CRTC1: variants seen among roughly 807,000 people sequenced by gnomAD.
The protein encoded by CRTC1 is CREB regulated transcription coactivator 1, also known as CREB-regulated transcription coactivator 1.
In CRTC1, 18 loss-of-function variants were observed where a neutral mutation model predicts 66.1. That is an observed-to-expected ratio of 0.27 (90% confidence interval 0.19 to 0.40). The LOEUF (loss-of-function observed/expected upper bound fraction) is 0.40. CRTC1 is among the 10% of genes least tolerant of loss of function. The pLI is 1.00. For synonymous variants in CRTC1, 416 were observed against 398.8 expected (o/e 1.04, Z -0.51); for missense variants, 669 against 887.9 (o/e 0.75, Z 3.13).
At chr19:18,745,693 G>C (rs555149188) in intron 2 of CRTC1, 130 bp from the exon 3 acceptor site, 715 of 1,176,184 alleles carry the variant, frequency 6.1e-4, no homozygotes, top group Non-Finnish European at 8.6e-4. Context: ...ATCCCAGGCT[G>C]TGGAGCGATG....
In CRTC1 at chr19:18,707,810, C is replaced by T. The variant is rs541720528; in HGVS notation, c.126+23982C>T. On this transcript the variant is annotated intron_variant, in intron 1 of 13. Coordinates refer to ENST00000321949, the MANE Select transcript of CRTC1 (RefSeq NM_015321.3). ...AGGAGTTCAAGACCAGGCAGAGCAA[C>T]GTAGTCAGATCCTGTCTCTATTTAA... 9.7e-4 allele frequency among the ~76,000 whole-genome samples: 148 copies of T among 152,310 alleles called. 1 individual carries two copies. The highest frequency in any genetic ancestry group is 1.7e-3 in the Non-Finnish European group (114 of 68,028).
intron 1 of CRTC1, among the ~76,000 whole-genome samples, chr19:18,695,432 T>G (rs1160128964): frequency 6.6e-6 from 1 of 152,160 alleles, no homozygotes; most frequent in African/African-American, 2.4e-5. Context: ...GGTTATTCCG[T>G]GCAGAGTAGG....
chr19:18,748,663 G>A (rs1316151511), intron 4 of CRTC1, among the ~76,000 whole-genome samples: 2 of 148,678 alleles, frequency 1.3e-5, no homozygotes, highest in Non-Finnish European at 3.0e-5. Flanking sequence ...TCATGCCACT[G>A]TACACCAGCC....
intron 1 of CRTC1, among the ~76,000 whole-genome samples, chr19:18,730,481 C>T (rs79661857): frequency 0.024 from 3,668 of 152,208 alleles, 151 homozygotes; most frequent in African/African-American, 0.084. Context: ...CTACGCCCTA[C>T]AGCCCTGCCG....
intron 1 of CRTC1, among the ~76,000 whole-genome samples, chr19:18,700,511 T>C (rs558537481): frequency 8.2e-4 from 125 of 151,594 alleles, no homozygotes; most frequent in Non-Finnish European, 1.5e-3. Flanking sequence ...TTTTTTTAAA[T>C]AAAAAAAATG....
chr19:18,736,907 G>A (rs2054008839), intron 1 of CRTC1, among the ~76,000 whole-genome samples: 1 of 152,210 alleles, frequency 6.6e-6, no homozygotes, highest in South Asian at 2.1e-4. Flanking sequence ...CCGGTCTGCA[G>A]AGCGAGCCCC....
intron 1 of CRTC1, among the ~76,000 whole-genome samples, chr19:18,698,165 GCTCAGCAGGCA>G (rs1293195437): frequency 2.6e-5 from 4 of 151,814 alleles, no homozygotes; most frequent in Admixed American, 2.0e-4. Context: ...CTCAGCAGGC[GCTCAGCAGGCA>G]CTCAGCAGGC....
chr19:18,747,465 C>T (rs1011531021), intron 4 of CRTC1, among the ~76,000 whole-genome samples: 3 of 151,994 alleles, frequency 2.0e-5, no homozygotes, highest in Admixed American at 6.6e-5. Flanking sequence ...GGTGAAACCC[C>T]GTCTCTACTA....
rs570695464 is a variant in CRTC1, at chr19:18,739,603, C to T, written c.127-3307C>T. 7.9e-5 allele frequency among the ~76,000 whole-genome samples: 12 copies of T among 152,290 alleles called. No individual in the cohort carries two copies. The East Asian group carries it at 2.3e-3, about 29-fold the overall frequency. On this transcript the variant is annotated intron_variant, in intron 1 of 13. Transcript: ENST00000321949. ...GGCTGGCTGCTGGGTTCACGGAGCT[C>T]GTCCTCAGGGTCTCAGTGGTTTGGG... is the stretch of plus-strand genomic sequence containing the variant.
At chr19:18,775,246 G>T (rs1306759918) in intron 12 of CRTC1, among the ~76,000 whole-genome samples, 1 of 152,234 alleles carries the variant, frequency 6.6e-6, no homozygotes, top group Non-Finnish European at 1.5e-5. Context: ...GAGGGTGAGG[G>T]GGGGCAGGCA....
At chr19:18,766,766 C>G (rs575510481) in intron 9 of CRTC1, among the ~76,000 whole-genome samples, 7 of 152,150 alleles carry the variant, frequency 4.6e-5, no homozygotes, top group African/African-American at 1.7e-4. Flanking sequence ...TTTTTATTTA[C>G]GTAAAGTTGG....
At chr19:18,756,692 G>A (rs1014176475) in intron 6 of CRTC1, among the ~76,000 whole-genome samples, 3 of 151,984 alleles carry the variant, frequency 2.0e-5, no homozygotes, top group African/African-American at 2.4e-5. Context: ...AGTAGGCCAC[G>A]GTCCACCCAC....
chr19:18,689,072 A>T (rs2052759178), intron 1 of CRTC1, among the ~76,000 whole-genome samples: 2 of 151,944 alleles, frequency 1.3e-5, no homozygotes, highest in African/African-American at 4.8e-5. Flanking sequence ...CAGCCTCCTG[A>T]GTGGCTGGGA....
In CRTC1 at chr19:18,745,843, C is replaced by G. The variant is rs539279618; in HGVS notation, c.264C>G (p.Gly88=). ...LPFQTPFQSS[G]LDTSRTTRHH... ...CCCAGACCCCCTTCCAATCCTCGGG[C>G]CTGGACACCAGCCGGACCACCCGGC... Residue 88 remains glycine (G), a synonymous_variant, in exon 3 of 14, where the codon GGC becomes GGG. Coordinates refer to ENST00000321949, the MANE Select transcript of CRTC1 (RefSeq NM_015321.3). 3.1e-6 allele frequency: 5 copies of G among 1,613,900 alleles called. No individual in the cohort carries two copies. In the African/African-American group the frequency reaches 5.3e-5, roughly 17 times the overall value.
chr19:18,757,398 A>G (rs1020392790), intron 6 of CRTC1, among the ~76,000 whole-genome samples: 2 of 149,920 alleles, frequency 1.3e-5, no homozygotes, highest in Non-Finnish European at 1.5e-5. Flanking sequence ...TTTCCTGGGC[A>G]CCCCCTCCCC....
chr19:18,759,061 G>A (rs1025297496), intron 6 of CRTC1, among the ~76,000 whole-genome samples: 5 of 152,150 alleles, frequency 3.3e-5, no homozygotes, highest in Admixed American at 1.3e-4. Flanking sequence ...GCAGCCGGGC[G>A]CAGTGCAGTG....
At chr19:18,686,329 A>T (rs1286532630) in intron 1 of CRTC1, among the ~76,000 whole-genome samples, 1 of 152,164 alleles carries the variant, frequency 6.6e-6, no homozygotes, top group Non-Finnish European at 1.5e-5. Flanking sequence ...GTATTTGTTT[A>T]TCCATTCATC....
intron 6 of CRTC1, among the ~76,000 whole-genome samples, chr19:18,754,327 C>G (rs1279560624): frequency 6.6e-6 from 1 of 152,132 alleles, no homozygotes; most frequent in East Asian, 1.9e-4. Context: ...TTGGGAGCAG[C>G]CTGGTCAACA....
rs2054705536 is a variant in CRTC1, at chr19:18,765,384, C to G, written c.887-20C>G. 1.2e-6 allele frequency: 2 copies of G among 1,602,012 alleles called. No homozygotes were observed. The highest frequency in any genetic ancestry group is 3.4e-5 in the Admixed American group (2 of 59,472). ...GATCAGTCTCACACCTGCTCTCCCT[C>G]CCTCCTACTTCCTCTCTAGGAATGA... On this transcript the variant is annotated intron_variant, in intron 8 of 13. Coordinates refer to ENST00000321949, the MANE Select transcript of CRTC1 (RefSeq NM_015321.3).
Sources: allele counts gnomAD v4.1 joint callset (sites outside exome capture counted in the v4.1 genomes callset), GRCh38; gene constraint gnomAD v4.1.1; transcripts MANE v1.5; gene names NCBI Gene and HGNC (gene_info 2026-07-23, HGNC 2026-07-21).